Variants in SARNP observed in about 807,000 individuals in gnomAD.
SARNP encodes SAP domain-containing ribonucleoprotein.
SARNP carries 5 observed loss-of-function variants against 38.1 expected under a neutral mutation model. That is an observed-to-expected ratio of 0.13 (90% CI 0.07 to 0.28). The LOEUF (loss-of-function observed/expected upper bound fraction) is 0.28. SARNP is among the 10% of genes least tolerant of loss of function. SARNP has a pLI of 1.00. For missense variants in SARNP, 180 were observed against 243.9 expected (o/e 0.74, Z 1.75); for synonymous variants, 84 against 80.6 (o/e 1.04, Z -0.23).
intron 9 of SARNP, among the ~76,000 whole-genome samples, chr12:55,763,640 G>C (rs1472962307): frequency 1.3e-5 from 2 of 152,044 alleles, no homozygotes; most frequent in Non-Finnish European, 2.9e-5. Flanking sequence ...TTTGCAGAGA[G>C]GGGGATCTCG....
At chr12:55,810,705 GGC>G (rs1880301520) in intron 1 of SARNP, among the ~76,000 whole-genome samples, 1 of 147,764 alleles carries the variant, frequency 6.8e-6, no homozygotes, top group Non-Finnish European at 1.5e-5. Flanking sequence ...TTCCCGCCTC[GGC>G]CTCTCAAAGG....
chr12:55,804,486 G>A (rs1460119600), intron 1 of SARNP, among the ~76,000 whole-genome samples: 2 of 151,240 alleles, frequency 1.3e-5, no homozygotes, highest in Middle Eastern at 3.4e-3. Context: ...GTAGGAATAA[G>A]GTATACATAT....
chr12:55,753,993 C>T (rs529877054), downstream of SARNP: 5 of 152,234 alleles, frequency 3.3e-5, no homozygotes, highest in South Asian at 1.0e-3. Context: ...ATAAGGAAAG[C>T]TCCTGTGACA....
chr12:55,775,694 A>C (rs1385046456), intron 9 of SARNP, among the ~76,000 whole-genome samples: 1 of 152,088 alleles, frequency 6.6e-6, no homozygotes, highest in Non-Finnish European at 1.5e-5. Flanking sequence ...ATCACCAACA[A>C]GTATTCCCCT....
intron 9 of SARNP, among the ~76,000 whole-genome samples, chr12:55,768,464 G>A (rs892571795): frequency 4.5e-4 from 65 of 143,934 alleles, no homozygotes; most frequent in Non-Finnish European, 8.6e-4. Flanking sequence ...CCACTCCATC[G>A]CCCAGGCTAG....
intron 9 of SARNP, among the ~76,000 whole-genome samples, chr12:55,770,842 G>C (rs1001414217): frequency 4.0e-5 from 6 of 151,848 alleles, no homozygotes; most frequent in Non-Finnish European, 7.4e-5. Flanking sequence ...CTCCTTGCTT[G>C]TGTGCCATGG....
intron 9 of SARNP, among the ~76,000 whole-genome samples, chr12:55,769,554 G>A (rs535410265): frequency 4.6e-5 from 7 of 152,332 alleles, no homozygotes; most frequent in African/African-American, 1.7e-4. Flanking sequence ...CATAAACAGT[G>A]CAACTGTGCT....
downstream of SARNP, chr12:55,752,921 C>T (rs1878371027): frequency 6.6e-6 from 1 of 152,168 alleles, no homozygotes; most frequent in Non-Finnish European, 1.5e-5. Context: ...CACATTTACA[C>T]CTTGGAGAAC....
chr12:55,779,867 C>A (rs1879289852), intron 9 of SARNP, among the ~76,000 whole-genome samples: 1 of 152,120 alleles, frequency 6.6e-6, no homozygotes, highest in African/African-American at 2.4e-5. Context: ...ATAGAACAGG[C>A]CAGGCATGGT....
At chr12:55,796,141 T>A in intron 4 of SARNP, 65 bp from the exon 5 acceptor site, 1 of 1,174,500 alleles carries the variant, frequency 8.5e-7, no homozygotes, top group Non-Finnish European at 1.3e-6. Flanking sequence ...CTCAGAAATG[T>A]GTAAGAATTC....
intron 9 of SARNP, among the ~76,000 whole-genome samples, chr12:55,787,362 T>C (rs1007453442): frequency 5.9e-5 from 9 of 152,036 alleles, no homozygotes; most frequent in African/African-American, 2.2e-4. Context: ...AAGCAAAATA[T>C]ATAACCAATG....
intron 2 of SARNP, among the ~76,000 whole-genome samples, chr12:55,802,124 G>C (rs1287709195): frequency 6.6e-6 from 1 of 152,136 alleles, no homozygotes; most frequent in African/African-American, 2.4e-5. Flanking sequence ...TGATAGGACA[G>C]TGCCAAGTTT....
At chr12:55,803,542 G>A in intron 2 of SARNP, 87 bp downstream of exon 2, 1 of 747,782 alleles carries the variant, frequency 1.3e-6, no homozygotes, top group Non-Finnish European at 2.2e-6. Flanking sequence ...CATTGCTAAT[G>A]ACCTGAAAAA....
At position 55,806,275 on chromosome 12, in the gene SARNP, A is replaced by T. The variant is rs202237056; in HGVS notation, c.37-2547T>A. Among the ~76,000 whole-genome samples the T allele has an allele frequency of 1.4e-3, 197 of 142,842 alleles. 1 individual carries two copies. The highest frequency in any genetic ancestry group is 0.012 in the East Asian group (57 of 4,904). The allele number at this position is 142,842 out of a possible 152,430, so 93.7% of individuals were successfully genotyped here. On this transcript the variant is annotated intron_variant, in intron 1 of 10. Transcript: ENST00000336133. ...TGTTATGAAGACTAAATTAAAAAAA[A>T]TTTTTTTTTTTTTTTTTGAGACGGA...
Position 55,801,240 on chromosome 12 carries a change from C to T in SARNP, c.137-340G>A, listed in dbSNP as rs902376333. Among the ~76,000 whole-genome samples the T allele has an allele frequency of 2.6e-5, 4 of 152,204 alleles. No individual in the cohort carries two copies. In the South Asian group the frequency reaches 6.2e-4, roughly 24 times the overall value. ...GATCGTTTGAACCTAGGAGTTCAAGCGACCAGCTTGGGGAACACAGCGAAA... is the reference window on the plus strand; with the variant it reads ...GATCGTTTGAACCTAGGAGTTCAAGTGACCAGCTTGGGGAACACAGCGAAA... On this transcript the variant is annotated intron_variant, in intron 2 of 10. Coordinates refer to ENST00000336133, the MANE Select transcript of SARNP (RefSeq NM_033082.4).
intron 10 of SARNP, among the ~76,000 whole-genome samples, chr12:55,760,076 A>T (rs757673018): frequency 2.0e-5 from 3 of 152,196 alleles, no homozygotes; most frequent in Non-Finnish European, 2.9e-5. Flanking sequence ...CTGATTCCAA[A>T]CGTTATACTC....
At chr12:55,790,739 T>C in intron 7 of SARNP, 147 bp from the exon 8 acceptor site, 1 of 776,602 alleles carries the variant, frequency 1.3e-6, no homozygotes, top group Non-Finnish European at 1.9e-6. Flanking sequence ...CATGTCTGCA[T>C]TCACTGCTAG....
chr12:55,794,233 T>C, intron 7 of SARNP, 126 bp downstream of exon 7: 1 of 832,224 alleles, frequency 1.2e-6, no homozygotes, highest in Non-Finnish European at 2.0e-6. Context: ...AGGAGATGAA[T>C]GTTACAATCT....
At chr12:55,771,698 T>C (rs957186256) in intron 9 of SARNP, among the ~76,000 whole-genome samples, 3 of 152,124 alleles carry the variant, frequency 2.0e-5, no homozygotes, top group Non-Finnish European at 4.4e-5. Context: ...AACAAATAAC[T>C]GCCCCCCTTT....
Sources: gnomAD v4.1 joint callset for allele counts (sites outside exome capture counted in the v4.1 genomes callset) on GRCh38, gnomAD v4.1.1 for gene constraint, MANE v1.5 for transcripts, NCBI Gene and HGNC (gene_info 2026-07-23, HGNC 2026-07-21) for gene names.